The following DACH2 variants were observed in gnomAD, a reference collection of about 807,000 sequenced individuals.
DACH2 encodes dachshund homolog 2.
Under a neutral mutation model 35.8 loss-of-function variants are expected in DACH2, and 17 were observed. That is an observed-to-expected ratio of 0.48 (90% CI 0.33 to 0.71). The LOEUF is 0.71. DACH2 is among the 30% of genes least tolerant of loss of function. The probability of loss-of-function intolerance (pLI) is 0.02; values close to 1 mark genes in which losing one functional copy is unlikely to be tolerated. For missense variants in DACH2, 469 were observed against 472.7 expected (o/e 0.99, Z 0.07); for synonymous variants, 195 against 177.3 (o/e 1.10, Z -0.79).
chrX:86,763,454 T>C (rs932636308), intron 7 of DACH2, among the ~76,000 whole-genome samples: 7 of 111,575 alleles, frequency 6.3e-5, no homozygotes, highest in African/African-American at 2.3e-4. Context: ...GACGTTTACT[T>C]TTTTTTTGTT....
At chrX:86,629,070 C>T (rs912029750) in intron 3 of DACH2, among the ~76,000 whole-genome samples, 1 of 111,417 alleles carries the variant, frequency 9.0e-6, no homozygotes, top group Non-Finnish European at 1.9e-5. Context: ...TGTATTTTGC[C>T]AAGTATTGCT....
At chrX:86,450,971 C>A (rs112976655) in intron 2 of DACH2, among the ~76,000 whole-genome samples, 2 of 110,871 alleles carry the variant, frequency 1.8e-5, no homozygotes, top group Non-Finnish European at 3.8e-5. Flanking sequence ...GGATATTAGA[C>A]CTTTGTCAAG....
intron 7 of DACH2, among the ~76,000 whole-genome samples, chrX:86,776,113 C>G (rs943854238): frequency 1.8e-5 from 2 of 111,511 alleles, no homozygotes; most frequent in Non-Finnish European, 3.8e-5. Flanking sequence ...AAATCACATA[C>G]TACTTTCATA....
chrX:86,274,543 G>GGA (rs1402715728), intron 1 of DACH2, among the ~76,000 whole-genome samples: 1 of 77,712 alleles, frequency 1.3e-5, no homozygotes, highest in Non-Finnish European at 2.2e-5. Context: ...CGCCCAGGCT[G>GGA]GAGAGCAGTG....
intron 3 of DACH2, among the ~76,000 whole-genome samples, chrX:86,614,635 A>G (rs1466413064): frequency 9.0e-6 from 1 of 111,236 alleles, no homozygotes; most frequent in African/African-American, 3.3e-5. Flanking sequence ...ATTTTATCTA[A>G]TTTGACAATG....
chrX:86,154,759 T>C (rs2147857684), intron 1 of DACH2, among the ~76,000 whole-genome samples: 1 of 111,789 alleles, frequency 8.9e-6, no homozygotes, highest in Admixed American at 9.5e-5. Context: ...GTTTGATGTC[T>C]AGATGTTATT....
intron 5 of DACH2, among the ~76,000 whole-genome samples, chrX:86,711,598 T>C (rs186178561): frequency 1.8e-5 from 2 of 111,485 alleles, no homozygotes; most frequent in East Asian, 5.6e-4. Flanking sequence ...TGTGTACTAC[T>C]GATGGTTTTT....
intron 4 of DACH2, among the ~76,000 whole-genome samples, chrX:86,662,363 G>A (rs1283160470): frequency 4.5e-5 from 5 of 111,755 alleles, no homozygotes; most frequent in African/African-American, 1.6e-4. Context: ...GGAGGCCGAG[G>A]CGGGCAGATC....
intron 6 of DACH2, among the ~76,000 whole-genome samples, chrX:86,719,609 G>T (rs1229757925): frequency 9.0e-6 from 1 of 111,508 alleles, no homozygotes; most frequent in South Asian, 3.7e-4. Flanking sequence ...ACCATGGCAG[G>T]AGGCAACTGT....
intron 2 of DACH2, among the ~76,000 whole-genome samples, chrX:86,421,396 G>A (rs893245841): frequency 1.8e-5 from 2 of 111,303 alleles, no homozygotes; most frequent in Admixed American, 9.6e-5. Flanking sequence ...ACAGATCAGT[G>A]ATGCCAGTAT....
chrX:86,456,272 G>C (rs1033783173), intron 2 of DACH2, among the ~76,000 whole-genome samples: 18 of 112,220 alleles, frequency 1.6e-4, no homozygotes, highest in African/African-American at 5.8e-4. Flanking sequence ...CTTCTAATCA[G>C]CCATCTTGGC....
chrX:86,434,183 G>T lies in DACH2; in HGVS notation c.527+57321G>T, dbSNP rs895941818. 4.5e-5 allele frequency among the ~76,000 whole-genome samples: 5 copies of T among 111,566 alleles called. No homozygotes were observed. The Admixed American group carries it at 4.8e-4, about 11-fold the overall frequency. ...GACACAGCGATTTTTATTTTATGCC[G>T]ACTTTTATTTTTTTATTTTTATTTT... On this transcript the variant is annotated intron_variant, in intron 2 of 11. Coordinates refer to ENST00000373125, the MANE Select transcript of DACH2 (RefSeq NM_053281.3).
At chrX:86,707,512 A>T (rs1033584801) in intron 5 of DACH2, among the ~76,000 whole-genome samples, 20 of 111,758 alleles carry the variant, frequency 1.8e-4, no homozygotes, top group African/African-American at 6.5e-4. Flanking sequence ...ATACCAAAAT[A>T]CCAGAGAAAG....
chrX:86,550,211 A>G lies in DACH2; in HGVS notation c.640+35820A>G. ...GATATTTTTGAACTTGAGGTGAAGCATATGAAAAGTATTCAAGCCAATAAA... is the reference window on the plus strand; with the variant it reads ...GATATTTTTGAACTTGAGGTGAAGCGTATGAAAAGTATTCAAGCCAATAAA... On this transcript the variant is annotated intron_variant, in intron 3 of 11. Coordinates refer to ENST00000373125, the MANE Select transcript of DACH2 (RefSeq NM_053281.3). Among the ~76,000 whole-genome samples the G allele has an allele frequency of 1.8e-5, 2 of 111,872 alleles. 1 individual carries two copies.
chrX:86,623,143 A>T (rs2040088324), intron 3 of DACH2, among the ~76,000 whole-genome samples: 1 of 112,243 alleles, frequency 8.9e-6, no homozygotes, highest in Non-Finnish European at 1.9e-5. Flanking sequence ...CAGACTTCAC[A>T]GCCTTTCTCT....
intron 3 of DACH2, among the ~76,000 whole-genome samples, chrX:86,564,122 G>A (rs1464907718): frequency 9.1e-6 from 1 of 110,419 alleles, no homozygotes; most frequent in Non-Finnish European, 1.9e-5. Flanking sequence ...CTCAAATATG[G>A]TATAAAATCT....
intron 6 of DACH2, among the ~76,000 whole-genome samples, chrX:86,735,188 T>C (rs890299705): frequency 1.8e-5 from 2 of 111,717 alleles, no homozygotes; most frequent in Admixed American, 1.9e-4. Flanking sequence ...TATTACCACA[T>C]GGTAGAGATA....
At chrX:86,401,400 C>T (rs145226718) in intron 2 of DACH2, among the ~76,000 whole-genome samples, 9,839 of 111,555 alleles carry the variant, frequency 0.088, 1,075 homozygotes, top group African/African-American at 0.3. Context: ...ACCCACTGTC[C>T]GGCACTCCCC....
intron 7 of DACH2, among the ~76,000 whole-genome samples, chrX:86,798,177 T>C (rs1319231082): frequency 8.9e-6 from 1 of 112,179 alleles, no homozygotes; most frequent in Non-Finnish European, 1.9e-5. Flanking sequence ...TCCCTAGCAA[T>C]ACAGATATTG....
Sources: allele counts gnomAD v4.1 joint callset (sites outside exome capture counted in the v4.1 genomes callset), GRCh38; gene constraint gnomAD v4.1.1; transcripts MANE v1.5; gene names NCBI Gene and HGNC (gene_info 2026-07-23, HGNC 2026-07-21).